ZNF90: variants seen among roughly 807,000 people sequenced by gnomAD.
The protein encoded by ZNF90 is zinc finger protein HTF9.
Under a neutral mutation model 12.0 loss-of-function variants are expected in ZNF90, and 11 were observed. The observed-to-expected ratio is 0.92, with a 90% confidence interval of 0.58 to 1.52. ZNF90 has a LOEUF of 1.52. Ranked by LOEUF, ZNF90 falls within the 40% of genes most tolerant of loss-of-function variation. The pLI is 0.00. For missense variants in ZNF90, 765 were observed against 711.5 expected (o/e 1.08, Z -0.86); for synonymous variants, 232 against 240.1 (o/e 0.97, Z 0.31).
rs1202117994 is a variant in ZNF90 at position 20,107,397 on chromosome 19, GCCT to G, written c.226+2082_226+2084del. Among the ~76,000 whole-genome samples the G allele has an allele frequency of 7.2e-5, 11 of 152,154 alleles. 1 individual carries two copies. Among genetic ancestry groups the G allele is most frequent in the African/African-American group, 2.7e-4 (11 of 41,434 alleles). On this transcript the variant is annotated intron_variant, in intron 3 of 3. Transcript: ENST00000418063. ...CCTTTAGTTTCCCACCTAAATGAGG[GCCT>G]GCCTTCTGACTAGAAGGCTTCTCAA...
In ZNF90 at chr19:20,119,476, T is replaced by TG; in HGVS notation, c.*116_*117insG. 1.1e-6 allele frequency: 1 copy of TG among 874,832 alleles called. No individual in the cohort carries two copies. The highest frequency in any genetic ancestry group is 2.7e-5 in the East Asian group (1 of 37,588). 54.2% of individuals were successfully genotyped at this position (874,832 alleles called of 1,614,324 possible). On this transcript the variant is annotated 3_prime_UTR_variant, in exon 4 of 4. Coordinates refer to ENST00000418063, the MANE Select transcript of ZNF90 (RefSeq NM_007138.2). ...CCTCTACTCTTACTAAATATGAGAATTTATATGAAACATAACTCCTACAAA... is the reference window on the plus strand; with the variant it reads ...CCTCTACTCTTACTAAATATGAGAATGTTATATGAAACATAACTCCTACAAA...
At chr19:20,085,461 C>T (rs571242913) in intron 1 of ZNF90, among the ~76,000 whole-genome samples, 15 of 151,998 alleles carry the variant, frequency 9.9e-5, no homozygotes, top group African/African-American at 3.6e-4. Context: ...GGGGTTTCAC[C>T]GGGCTAGCCA....
At chr19:20,078,973 G>C (rs2088799694) in intron 1 of ZNF90, among the ~76,000 whole-genome samples, 2 of 152,062 alleles carry the variant, frequency 1.3e-5, no homozygotes, top group South Asian at 2.1e-4. Context: ...ACAAAAATTA[G>C]CCTGGAGTGG....
Position 20,101,076 on chromosome 19 carries a change from C to T in ZNF90, c.4-3163C>T, listed in dbSNP as rs573547300. Among the ~76,000 whole-genome samples, 387 of 152,210 alleles carry T rather than the reference C, an allele frequency of 2.5e-3. 3 individuals are homozygous for T. Among genetic ancestry groups the T allele is most frequent in the Middle Eastern group, 0.01 (3 of 294 alleles). ...CGGCTCCAGCTGAGCTTTCACTTGCCGTCGACCACTGCTGTTTGCCGCCAT... is the reference window on the plus strand; with the variant it reads ...CGGCTCCAGCTGAGCTTTCACTTGCTGTCGACCACTGCTGTTTGCCGCCAT... On this transcript the variant is annotated intron_variant, in intron 1 of 3. Transcript: ENST00000418063.
At chr19:20,096,587 G>T (rs1474124370) in intron 1 of ZNF90, among the ~76,000 whole-genome samples, 6 of 152,254 alleles carry the variant, frequency 3.9e-5, no homozygotes, top group Non-Finnish European at 5.9e-5. Context: ...GCCAGGAAAA[G>T]GACTTTCACA....
intron 1 of ZNF90, 96 bp downstream of exon 1, chr19:20,078,231 C>A: frequency 6.6e-7 from 1 of 1,506,600 alleles, no homozygotes; most frequent in Non-Finnish European, 9.2e-7. Flanking sequence ...CCGCAGTCAG[C>A]TCCACAATCT....
intron 1 of ZNF90, among the ~76,000 whole-genome samples, chr19:20,085,811 T>C (rs1323225741): frequency 1.3e-5 from 2 of 152,076 alleles, no homozygotes; most frequent in Non-Finnish European, 2.9e-5. Flanking sequence ...AATAAACCTT[T>C]TGTCATTTTT....
intron 2 of ZNF90, 118 bp downstream of exon 2, chr19:20,104,483 T>C (rs1475633847): frequency 2.5e-6 from 3 of 1,181,468 alleles, no homozygotes; most frequent in African/African-American, 3.1e-5. Context: ...ATCCCCCTTT[T>C]CCTGAAAATC....
chr19:20,118,402 A>G lies in ZNF90; in HGVS notation c.848A>G (p.Lys283Arg). Reference sequence around the variant, plus strand: ...CATAAGAGAATTCATACTGGAGAGAAACCCTACAAGTGTGATAAATGTGGC... The same window carrying G: ...CATAAGAGAATTCATACTGGAGAGAGACCCTACAAGTGTGATAAATGTGGC... ...TAHKRIHTGE[K>R]PYKCDKCGRA... is the part of the protein sequence containing the mutation. The change falls in exon 4 of 4, where the codon AAA (lysine) becomes AGA (arginine). Residue 283 changes from lysine (K) to arginine (R), a missense_variant. Coordinates refer to ENST00000418063, the MANE Select transcript of ZNF90 (RefSeq NM_007138.2). The G allele has an allele frequency of 6.2e-7, 1 of 1,609,316 alleles. No individual in the cohort carries two copies. Among genetic ancestry groups the G allele is most frequent in the Admixed American group, 1.7e-5 (1 of 59,112 alleles).
At chr19:20,080,267 G>A (rs1200539452) in intron 1 of ZNF90, 3 of 577,986 alleles carry the variant, frequency 5.2e-6, no homozygotes, top group Admixed American at 1.9e-5. Context: ...GTCTTGGTAC[G>A]GACTAGCTCG....
intron 1 of ZNF90, among the ~76,000 whole-genome samples, chr19:20,085,607 C>G (rs190546924): frequency 9.8e-5 from 15 of 152,292 alleles, no homozygotes; most frequent in Non-Finnish European, 1.5e-4. Context: ...ATATCTTTCT[C>G]TCTTTTGGTT....
intron 3 of ZNF90, among the ~76,000 whole-genome samples, chr19:20,110,159 C>CT (rs1195538132): frequency 2.0e-5 from 3 of 152,062 alleles, no homozygotes; most frequent in Non-Finnish European, 4.4e-5. Flanking sequence ...GTATATGTTA[C>CT]TTTTTTTGAT....
chr19:20,091,862 G>T (rs2088905263), intron 1 of ZNF90, among the ~76,000 whole-genome samples: 1 of 152,182 alleles, frequency 6.6e-6, no homozygotes, highest in Non-Finnish European at 1.5e-5. Context: ...TTGAGTTAAG[G>T]TAACTAGTTC....
At chr19:20,100,085 T>G (rs1300794767) in intron 1 of ZNF90, among the ~76,000 whole-genome samples, 5 of 152,136 alleles carry the variant, frequency 3.3e-5, no homozygotes, top group Non-Finnish European at 7.4e-5. Context: ...AGACCCCTAG[T>G]ATGGGGTAAT....
At chr19:20,080,846 T>A (rs2088815041) in intron 1 of ZNF90, among the ~76,000 whole-genome samples, 1 of 151,924 alleles carries the variant, frequency 6.6e-6, no homozygotes, top group Non-Finnish European at 1.5e-5. Context: ...AGATAATGAG[T>A]TGTTGTTGGA....
intron 1 of ZNF90, among the ~76,000 whole-genome samples, chr19:20,097,162 T>G (rs1236822999): frequency 1.3e-5 from 2 of 152,242 alleles, no homozygotes; most frequent in Non-Finnish European, 2.9e-5. Flanking sequence ...AATTGTGTAA[T>G]AAAACAGTTT....
chr19:20,090,458 C>G (rs535856344), intron 1 of ZNF90, among the ~76,000 whole-genome samples: 2 of 152,050 alleles, frequency 1.3e-5, no homozygotes, highest in African/African-American at 4.8e-5. Flanking sequence ...GCTGGCTGTC[C>G]GATGGACACA....
chr19:20,094,602 C>T (rs2088928003), intron 1 of ZNF90, among the ~76,000 whole-genome samples: 1 of 152,174 alleles, frequency 6.6e-6, no homozygotes, highest in African/African-American at 2.4e-5. Flanking sequence ...TGGGGATCCT[C>T]TCGGGGAACT....
In ZNF90 at chr19:20,114,461, T is replaced by G. The variant is rs556338398; in HGVS notation, c.227-3320T>G. ...ACATTGTTTTCTGTTTCAAAGAGCA[T>G]AACTGATTTATATATCTTATACAAT... On this transcript the variant is annotated intron_variant, in intron 3 of 3. Coordinates refer to ENST00000418063, the MANE Select transcript of ZNF90 (RefSeq NM_007138.2). 7.9e-5 allele frequency among the ~76,000 whole-genome samples: 12 copies of G among 152,322 alleles called. No homozygotes were observed. In the East Asian group the frequency reaches 2.1e-3, roughly 27 times the overall value.
Sources: allele counts gnomAD v4.1 joint callset (sites outside exome capture counted in the v4.1 genomes callset), GRCh38; gene constraint gnomAD v4.1.1; transcripts MANE v1.5; gene names NCBI Gene and HGNC (gene_info 2026-07-23, HGNC 2026-07-21).